Variants in USP6NL observed in about 807,000 individuals in gnomAD.
USP6NL encodes USP6 N-terminal like.
USP6NL carries 26 observed loss-of-function variants against 61.9 expected under a neutral mutation model. The ratio of observed to expected loss-of-function variants is 0.42; its 90% CI spans 0.31 to 0.58. The LOEUF is 0.58. USP6NL is among the 20% of genes least tolerant of loss of function. The probability of loss-of-function intolerance (pLI) is 0.16; values close to 1 mark genes in which losing one functional copy is unlikely to be tolerated. For synonymous variants in USP6NL, 432 were observed against 390.1 expected, an observed-to-expected ratio of 1.11 and a Z score of -1.27; for missense variants, 1,114 against 1,034.3, an observed-to-expected ratio of 1.08 and a Z score of -1.06.
At position 11,561,468 on chromosome 10, in the gene USP6NL, C is replaced by T. The variant is rs753791794; in HGVS notation, c.5-33901G>A. 2.6e-5 allele frequency among the ~76,000 whole-genome samples: 4 copies of T among 152,216 alleles called. No individual in the cohort carries two copies. Among genetic ancestry groups the T allele is most frequent in the Non-Finnish European group, 5.9e-5 (4 of 68,036 alleles). On this transcript the variant is annotated intron_variant, in intron 2 of 14. Coordinates refer to ENST00000609104, the MANE Select transcript of USP6NL (RefSeq NM_014688.5). This position sits in a 1 kb window ranked among gnomAD's most constrained non-coding sequence, Gnocchi z 4.1. ...ACACGCATATGTATAAGGCACACAACAGAACCATACTAAGCACATTGCTTT... is the reference window on the plus strand; with the variant it reads ...ACACGCATATGTATAAGGCACACAATAGAACCATACTAAGCACATTGCTTT...
Position 11,532,302 on chromosome 10 carries a change from G to T in USP6NL, c.5-4735C>A. 7.4e-7 allele frequency: 1 copy of T among 1,346,708 alleles called. No individual in the cohort carries two copies. The highest frequency in any genetic ancestry group is 1.0e-6 in the Non-Finnish European group (1 of 988,982). 83.4% of individuals were successfully genotyped at this position (1,346,708 alleles called of 1,614,324 possible). A position where few individuals can be genotyped will look rare whatever the true frequency, so the allele number is the denominator to read the frequency against. On this transcript the variant is annotated intron_variant, in intron 2 of 14. Transcript: ENST00000609104. This position sits in a 1 kb window ranked among gnomAD's most constrained non-coding sequence, Gnocchi z 4.1. ...CTCGAACACACCAAGAGTGCTGCCC[G>T]GCGGTACCTCACACATTCTGCAACT...
chr10:11,605,722 TTTAAAACCCAGGGAATACAGA>T (rs1838686028), intron 1 of USP6NL, among the ~76,000 whole-genome samples: 1 of 151,928 alleles, frequency 6.6e-6, no homozygotes, highest in African/African-American at 2.4e-5. Flanking sequence ...ATAACCAAAA[TTTAAAACCCAGGGAATACAGA>T]TTAAAACCCA....
In USP6NL at chr10:11,520,218, G is replaced by A. The variant is rs1456073179; in HGVS notation, c.156-1644C>T. Among the ~76,000 whole-genome samples the A allele has an allele frequency of 2.0e-5, 3 of 152,130 alleles. No homozygotes were observed. Among genetic ancestry groups the A allele is most frequent in the African/African-American group, 7.2e-5 (3 of 41,428 alleles). ...GAAAAGGGACGGAGGCTGAGAAAAC[G>A]ATTCTCAAGAAGAAACGAAACTGGT... On this transcript the variant is annotated intron_variant, in intron 4 of 14. Transcript: ENST00000609104. The surrounding 1 kb of genome is among the most constrained non-coding windows in gnomAD (Gnocchi z 5.2).
chr10:11,464,388 T>C (rs936231297), intron 14 of USP6NL, among the ~76,000 whole-genome samples: 2 of 152,198 alleles, frequency 1.3e-5, no homozygotes, highest in African/African-American at 4.8e-5. Flanking sequence ...TGGCCACTGC[T>C]CAGAAAGCTG....
rs746777248 is a variant in USP6NL, at chr10:11,462,774, C to G, written c.2154G>C (p.Lys718Asn). 6.2e-7 allele frequency: 1 copy of G among 1,613,908 alleles called. No homozygotes were observed. Among genetic ancestry groups the G allele is most frequent in the African/African-American group, 1.3e-5 (1 of 74,926 alleles). The change falls in exon 15 of 15, where the codon AAG (lysine) becomes AAC (asparagine). Residue 718 changes from lysine (K) to asparagine (N), a missense_variant. Physicochemically the swap from Lys to Asn is moderately conservative, Grantham distance 94 (BLOSUM62 0). Transcript: ENST00000609104. The part of the protein sequence containing the change: ...GGYSGNSGSP[K>N]NGKLIIPPVD... Reference sequence around the variant, plus strand: ...CTGGTGGAATGATCAATTTTCCATTCTTTGGTGACCCTGAATTGCCCGAAT... The same window carrying G: ...CTGGTGGAATGATCAATTTTCCATTGTTTGGTGACCCTGAATTGCCCGAAT...
Position 11,602,325 on chromosome 10 carries a change from T to TA in USP6NL, c.-83-4609dup, listed in dbSNP as rs1216932801. ...ACTTAAATGATTAATGTTCTGTTTT[T>TA]AAATTTAAAACAGGCAGATAATAAC... On this transcript the variant is annotated intron_variant, in intron 1 of 14. Transcript: ENST00000609104. The surrounding 1 kb of genome is among the most constrained non-coding windows in gnomAD (Gnocchi z 4.8). Among the ~76,000 whole-genome samples the TA allele has an allele frequency of 6.6e-6, 1 of 152,198 alleles. No individual in the cohort carries two copies. The highest frequency in any genetic ancestry group is 1.5e-5 in the Non-Finnish European group (1 of 68,032).
At chr10:11,563,653 T>C (rs1837024113) in intron 2 of USP6NL, 1 of 152,254 alleles carries the variant, frequency 6.6e-6, no homozygotes, top group Admixed American at 6.5e-5. Context: ...TACTTAGTGC[T>C]GTTTTCAAAA....
At chr10:11,472,649 T>C (rs540654931) in intron 14 of USP6NL, among the ~76,000 whole-genome samples, 2 of 152,206 alleles carry the variant, frequency 1.3e-5, no homozygotes, top group East Asian at 1.9e-4. Context: ...AAATATACTA[T>C]CTGAAAAATC....
In USP6NL at chr10:11,481,625, C is replaced by T. The variant is rs1490163020; in HGVS notation, c.1078+145G>A. The T allele has an allele frequency of 1.1e-5, 9 of 810,236 alleles. No homozygotes were observed. The East Asian group carries it at 2.5e-4, about 23-fold the overall frequency. 50.2% of individuals were successfully genotyped at this position (810,236 alleles called of 1,614,324 possible). ...CCCTAAAATAAGGAAAAAGCCAAAGCAGCTGAGCTGGTAAGGCATTCATCC... is the reference window on the plus strand; with the variant it reads ...CCCTAAAATAAGGAAAAAGCCAAAGTAGCTGAGCTGGTAAGGCATTCATCC... On this transcript the variant is annotated intron_variant, in intron 14 of 14. Coordinates refer to ENST00000609104, the MANE Select transcript of USP6NL (RefSeq NM_014688.5). This position sits in a 1 kb window ranked among gnomAD's most constrained non-coding sequence, Gnocchi z 4.4.
Position 11,472,613 on chromosome 10 carries a change from T to C in USP6NL, c.1079-8764A>G, listed in dbSNP as rs115304412. Among the ~76,000 whole-genome samples the C allele has an allele frequency of 2.7e-3, 411 of 152,370 alleles. 3 individuals are homozygous for C. Among genetic ancestry groups the C allele is most frequent in the African/African-American group, 8.6e-3 (358 of 41,594 alleles). Reference sequence around the variant, plus strand: ...CTTCCAGATCAAACAGTAAGTCCAATTGTATTTTTAAATATTGCTGACTTC... The same window carrying C: ...CTTCCAGATCAAACAGTAAGTCCAACTGTATTTTTAAATATTGCTGACTTC... On this transcript the variant is annotated intron_variant, in intron 14 of 14. Coordinates refer to ENST00000609104, the MANE Select transcript of USP6NL (RefSeq NM_014688.5).
chr10:11,599,367 T>C (rs570107774), intron 1 of USP6NL, among the ~76,000 whole-genome samples: 119 of 152,344 alleles, frequency 7.8e-4, no homozygotes, highest in African/African-American at 2.8e-3. Flanking sequence ...AACTCCTAAA[T>C]GGTAACATTA....
chr10:11,463,804 G>C lies in USP6NL; in HGVS notation c.1124C>G (p.Pro375Arg), dbSNP rs767930146. 1 of 1,486,592 alleles carries C rather than the reference G, an allele frequency of 6.7e-7. No homozygotes were observed. The highest frequency in any genetic ancestry group is 1.4e-5 in the South Asian group (1 of 71,684). The allele number at this position is 1,486,592 out of a possible 1,614,324, so 92.1% of individuals were successfully genotyped here. A position where few individuals can be genotyped will look rare whatever the true frequency, so the allele number is the denominator to read the frequency against. Reference sequence around the variant, plus strand: ...ATGGACGCCCCAAGACTGAAGTTCAGGTGGAAGCTGCCCCAAGGGCTTCTT... The same window carrying C: ...ATGGACGCCCCAAGACTGAAGTTCACGTGGAAGCTGCCCCAAGGGCTTCTT... The part of the protein sequence containing the change: ...YPKKPLGQLP[P>R]ELQSWGVHHL... Residue 375 changes from proline (P) to arginine (R), a missense_variant, in exon 15 of 15, where the codon CCT becomes CGT. Physicochemically the swap from Pro to Arg is moderately radical, Grantham distance 103. Transcript: ENST00000609104. This position sits in a 1 kb window ranked among gnomAD's most constrained non-coding sequence, Gnocchi z 6.3.
chr10:11,530,101 C>CAAAAAAAA (rs900768943), intron 2 of USP6NL, among the ~76,000 whole-genome samples: 1 of 72,008 alleles, frequency 1.4e-5, no homozygotes, highest in African/African-American at 5.3e-5. Flanking sequence ...GACCCTGTCT[C>CAAAAAAAA]AAAAAAAAAA....
rs1835042621 is a variant in USP6NL at position 11,518,307 on chromosome 10, C to T, written c.195+228G>A. Among the ~76,000 whole-genome samples the T allele has an allele frequency of 6.6e-6, 1 of 152,158 alleles. No homozygotes were observed. Among genetic ancestry groups the T allele is most frequent in the African/African-American group, 2.4e-5 (1 of 41,434 alleles). On this transcript the variant is annotated intron_variant, in intron 5 of 14. Transcript: ENST00000609104. The surrounding 1 kb of genome is among the most constrained non-coding windows in gnomAD (Gnocchi z 5.3). Reference sequence around the variant, plus strand: ...TGAAGCACGCCTAGCTCAGGACCTGCCAGTCTAGAATGAAGTCTGCCAACT... The same window carrying T: ...TGAAGCACGCCTAGCTCAGGACCTGTCAGTCTAGAATGAAGTCTGCCAACT...
intron 2 of USP6NL, among the ~76,000 whole-genome samples, chr10:11,578,009 G>C (rs1837615641): frequency 6.6e-6 from 1 of 152,084 alleles, no homozygotes; most frequent in African/African-American, 2.4e-5. Context: ...TGTCGTTCAG[G>C]CTGGAGTGCC....
intron 6 of USP6NL, among the ~76,000 whole-genome samples, chr10:11,502,921 A>G (rs1834269036): frequency 6.6e-6 from 1 of 152,220 alleles, no homozygotes; most frequent in Non-Finnish European, 1.5e-5. Context: ...ATATGTACAG[A>G]AAGGCTTCAT....
chr10:11,484,441 A>C (rs997452196), intron 13 of USP6NL, among the ~76,000 whole-genome samples: 1 of 151,020 alleles, frequency 6.6e-6, no homozygotes. Context: ...GCCTATAGAC[A>C]CTGGCTGAAC....
intron 6 of USP6NL, among the ~76,000 whole-genome samples, chr10:11,503,622 T>C (rs570192663): frequency 2.0e-5 from 3 of 152,306 alleles, no homozygotes; most frequent in African/African-American, 7.2e-5. Context: ...GCATTTACCA[T>C]GCACAAGAAA....
chr10:11,567,485 T>C (rs1238866889), intron 2 of USP6NL, among the ~76,000 whole-genome samples: 1 of 152,210 alleles, frequency 6.6e-6, no homozygotes, highest in Non-Finnish European at 1.5e-5. Context: ...ACCCACAACA[T>C]ACACAATTTT....
Sources: allele counts gnomAD v4.1 joint callset (sites outside exome capture counted in the v4.1 genomes callset), GRCh38; gene constraint gnomAD v4.1.1; non-coding constraint Gnocchi (gnomAD v3.1); transcripts MANE v1.5; gene names NCBI Gene and HGNC (gene_info 2026-07-23, HGNC 2026-07-21).